Variants in SOS1 observed in about 807,000 individuals in gnomAD.
SOS1 encodes the protein son of sevenless homolog 1.
In SOS1, 25 loss-of-function variants were observed where a neutral mutation model predicts 157.6. The observed-to-expected ratio is 0.16, with a 90% CI of 0.12 to 0.22. The LOEUF (loss-of-function observed/expected upper bound fraction) is 0.22, where lower values mean the gene tolerates loss of function less well. Ranked by LOEUF, SOS1 falls within the 10% of genes least tolerant of loss-of-function variation. SOS1 has a pLI of 1.00. For missense variants in SOS1, 1,237 were observed against 1,599.1 expected, an observed-to-expected ratio of 0.77 and a Z score of 3.86; for synonymous variants, 528 against 534.0, an observed-to-expected ratio of 0.99 and a Z score of 0.16.
At position 39,052,833 on chromosome 2, in the gene SOS1, GTTAGT is replaced by G. The variant is rs149735205; in HGVS notation, c.721-1551_721-1547del. On this transcript the variant is annotated intron_variant, in intron 5 of 22. Coordinates refer to ENST00000402219, the MANE Select transcript of SOS1 (RefSeq NM_005633.4). ...AGGAGTAGAATTGCTGGGCAATATG[GTTAGT>G]TTATGTTTATTGTTATAAAGAACTG... Among the ~76,000 whole-genome samples, 899 of 152,242 alleles carry G rather than the reference GTTAGT, an allele frequency of 5.9e-3. 16 individuals are homozygous for G. Among genetic ancestry groups the G allele is most frequent in the African/African-American group, 0.021 (857 of 41,544 alleles).
rs1019743453 is a variant in SOS1, at chr2:38,985,854, T to C, written c.3972A>G (p.Pro1324=). 1 of 1,613,768 alleles carries C rather than the reference T, an allele frequency of 6.2e-7. No individual in the cohort carries two copies. The highest frequency in any genetic ancestry group is 1.3e-5 in the African/African-American group (1 of 74,988). The change falls in exon 23 of 23, where the codon CCA becomes CCG. Residue 1324 remains proline (P), a synonymous_variant. Coordinates refer to ENST00000402219, the MANE Select transcript of SOS1 (RefSeq NM_005633.4). ...HTHPSMHRDG[P]PLLENAHSS is the part of the protein sequence containing the mutation. ...AAGAATGGGCATTCTCCAACAGTGG[T>C]GGTCCATCTCTGTGCATGGATGGGT...
At chr2:39,005,175 A>G (rs1680308802) in intron 17 of SOS1, among the ~76,000 whole-genome samples, 1 of 152,196 alleles carries the variant, frequency 6.6e-6, no homozygotes, top group African/African-American at 2.4e-5. Context: ...AAGATTAAAA[A>G]TAGCTAAAAG....
At chr2:39,017,323 A>T (rs1034537638) in intron 10 of SOS1, among the ~76,000 whole-genome samples, 1 of 152,058 alleles carries the variant, frequency 6.6e-6, no homozygotes, top group Admixed American at 6.6e-5. Context: ...CCACTATAGA[A>T]ATTTACATGA....
Position 39,019,723 on chromosome 2 carries a change from T to C in SOS1, c.1858+2847A>G, listed in dbSNP as rs532163339. ...GCAAACTACATCAATAGACTAATAA[T>C]TGGGTTTTGTAAAAAAATAAAAATA... On this transcript the variant is annotated intron_variant, in intron 10 of 22. Transcript: ENST00000402219. Among the ~76,000 whole-genome samples, 480 of 151,688 alleles carry C rather than the reference T, an allele frequency of 3.2e-3. 5 individuals are homozygous for C. Among genetic ancestry groups the C allele is most frequent in the African/African-American group, 0.011 (467 of 41,498 alleles).
intron 8 of SOS1, among the ~76,000 whole-genome samples, chr2:39,025,650 A>G (rs1669935837): frequency 6.6e-6 from 1 of 152,060 alleles, no homozygotes. Flanking sequence ...GTAAGCCACC[A>G]TGCCTGGCTA....
At chr2:39,086,793 G>A (rs1250046375) in intron 1 of SOS1, among the ~76,000 whole-genome samples, 1 of 152,110 alleles carries the variant, frequency 6.6e-6, no homozygotes, top group Non-Finnish European at 1.5e-5. Flanking sequence ...CTTCAAAAGG[G>A]AAATAGTCAC....
intron 1 of SOS1, among the ~76,000 whole-genome samples, chr2:39,081,061 G>GTC (rs1672185735): frequency 6.6e-6 from 1 of 151,864 alleles, no homozygotes; most frequent in Admixed American, 6.6e-5. Flanking sequence ...GGTTTGGGTG[G>GTC]TCCCAGCTAC....
At chr2:39,037,748 T>C (rs1326559216) in intron 6 of SOS1, among the ~76,000 whole-genome samples, 2 of 152,302 alleles carry the variant, frequency 1.3e-5, no homozygotes, top group South Asian at 2.1e-4. Flanking sequence ...ACCATTACTA[T>C]TGAGCCAGTG....
chr2:39,035,173 C>T, intron 8 of SOS1, 39 bp downstream of exon 8: 2 of 1,420,284 alleles, frequency 1.4e-6, no homozygotes, highest in East Asian at 2.3e-5. Flanking sequence ...AAAATTCACA[C>T]TTGAATATGT....
chr2:39,108,543 A>G (rs1000854891), intron 1 of SOS1, among the ~76,000 whole-genome samples: 3 of 152,136 alleles, frequency 2.0e-5, no homozygotes, highest in African/African-American at 7.2e-5. Context: ...TCTCATTTCC[A>G]TTCACTCATT....
chr2:38,989,087 T>A (rs1668639990), intron 21 of SOS1, among the ~76,000 whole-genome samples, 183 bp downstream of exon 21: 1 of 152,086 alleles, frequency 6.6e-6, no homozygotes, highest in Non-Finnish European at 1.5e-5. Context: ...ATGAGAAATA[T>A]ATAAATTTAA....
chr2:39,058,745 T>C lies in SOS1; in HGVS notation c.273A>G (p.Gln91=), dbSNP rs914110575. ...PIDKWAIADA[Q]SAIEKRKRRN... ...TTCGCTTCCTCTTTTCAATAGCTGATTGGGCATCAGCTATTGCCCATTTAT... is the reference window on the plus strand; with the variant it reads ...TTCGCTTCCTCTTTTCAATAGCTGACTGGGCATCAGCTATTGCCCATTTAT... The change falls in exon 3 of 23, where the codon CAA becomes CAG. Residue 91 remains glutamine (Q), a synonymous_variant. Transcript: ENST00000402219. The C allele has an allele frequency of 5.0e-6, 8 of 1,611,448 alleles. No individual in the cohort carries two copies. Among genetic ancestry groups the C allele is most frequent in the South Asian group, 1.1e-5 (1 of 90,986 alleles).
chr2:39,012,698 G>A (rs752663669), intron 13 of SOS1, among the ~76,000 whole-genome samples: 7 of 152,078 alleles, frequency 4.6e-5, no homozygotes, highest in South Asian at 2.1e-4. Flanking sequence ...TATATCTTAT[G>A]TAAATCACAA....
Position 39,056,885 on chromosome 2 carries a change from A to G in SOS1, c.346-19T>C, listed in dbSNP as rs768902794. 3 of 1,573,506 alleles carry G rather than the reference A, an allele frequency of 1.9e-6. No homozygotes were observed. The highest frequency in any genetic ancestry group is 2.6e-6 in the Non-Finnish European group (3 of 1,144,088). ...GGACCTCCTGCAAAATTAAAAGAAA[A>G]GCATGTTTAAACATCATATACTGTA... On this transcript the variant is annotated intron_variant, in intron 3 of 22. Coordinates refer to ENST00000402219, the MANE Select transcript of SOS1 (RefSeq NM_005633.4).
In SOS1 at chr2:39,012,234, A is replaced by G. The variant is rs770225695; in HGVS notation, c.2282T>C (p.Val761Ala). The change falls in exon 14 of 23, where the codon GTT becomes GCT. Residue 761 changes from valine (V) to alanine (A), a missense_variant. Transcript: ENST00000402219. Reference protein sequence around the residue: ...NITFQSSPPTVEWHISRPGHI... With the variant: ...NITFQSSPPTAEWHISRPGHI... Reference sequence around the variant, plus strand: ...CCCAGGTCTGCTTATATGCCACTCAACTGTGGGAGGTGAACTCTGAAATGT... The same window carrying G: ...CCCAGGTCTGCTTATATGCCACTCAGCTGTGGGAGGTGAACTCTGAAATGT... The G allele has an allele frequency of 4.3e-6, 7 of 1,613,390 alleles. No individual in the cohort carries two copies. The highest frequency in any genetic ancestry group is 2.2e-5 in the East Asian group (1 of 44,844).
At chr2:39,110,026 TTGTGTGTGTGTGCGTGTGTGTG>T (rs1187900246) in intron 1 of SOS1, among the ~76,000 whole-genome samples, 22 of 134,156 alleles carry the variant, frequency 1.6e-4, no homozygotes, top group African/African-American at 5.5e-4. Context: ...ACAGATACAG[TTGTGTGTGTGTGCGTGTGTGTG>T]TGTGTGTGTG....
chr2:39,007,641 A>G (rs1669323463), intron 15 of SOS1: 1 of 167,656 alleles, frequency 6.0e-6, no homozygotes, highest in Admixed American at 5.8e-5. Flanking sequence ...ATTTCTAGGA[A>G]CAGCTCTGTT....
intron 1 of SOS1, among the ~76,000 whole-genome samples, chr2:39,076,740 G>C (rs1481324410): frequency 2.0e-5 from 3 of 152,078 alleles, no homozygotes; most frequent in African/African-American, 7.2e-5. Context: ...ACAAGACAAG[G>C]ATACCTACTA....
At chr2:39,048,780 G>C (rs1670889343) in intron 6 of SOS1, among the ~76,000 whole-genome samples, 2 of 152,042 alleles carry the variant, frequency 1.3e-5, no homozygotes, top group South Asian at 4.1e-4. Context: ...TATTTGTCCT[G>C]AACGATATTT....
Sources: gnomAD v4.1 joint callset for allele counts (sites outside exome capture counted in the v4.1 genomes callset) on GRCh38, gnomAD v4.1.1 for gene constraint, MANE v1.5 for transcripts, NCBI Gene and HGNC (gene_info 2026-07-23, HGNC 2026-07-21) for gene names.